SUCO: variants seen among roughly 807,000 people sequenced by gnomAD.
SUCO encodes the protein SUN domain-containing ossification factor.
Under a neutral mutation model 148.1 loss-of-function variants are expected in SUCO, and 57 were observed. The observed-to-expected ratio is 0.38, with a 90% CI of 0.31 to 0.48. The LOEUF is 0.48. Among genes scored for constraint, SUCO ranks in the 20% least tolerant of loss-of-function variants. SUCO has a pLI of 0.96. For missense variants in SUCO, 1,331 were observed against 1,468.2 expected, an observed-to-expected ratio of 0.91 and a Z score of 1.53; for synonymous variants, 470 against 502.7, an observed-to-expected ratio of 0.93 and a Z score of 0.87.
At chr1:172,532,828 A>G, upstream of SUCO, 2 of 1,567,498 alleles carry the variant, frequency 1.3e-6, no homozygotes, top group Non-Finnish European at 1.7e-6. Flanking sequence ...AATGCTGAGG[A>G]TCACTGGGCT....
intron 22 of SUCO, among the ~76,000 whole-genome samples, chr1:172,606,514 A>G (rs1013797855): frequency 1.6e-4 from 24 of 151,690 alleles, no homozygotes; most frequent in Non-Finnish European, 2.8e-4. Flanking sequence ...AGCCTTATTT[A>G]TGTTACTGTT....
At position 172,606,050 on chromosome 1, in the gene SUCO, A is replaced by T. The variant is rs1657844286; in HGVS notation, c.3266-2697A>T. On this transcript the variant is annotated intron_variant, in intron 22 of 23. Transcript: ENST00000263688. ...TCCATTTTTAATGTTACAAACATGA[A>T]TTATATTAGATTTTCTAATGTTAAA... Among the ~76,000 whole-genome samples the T allele has an allele frequency of 3.3e-5, 5 of 151,636 alleles. No homozygotes were observed. The South Asian group carries it at 1.0e-3, about 31-fold the overall frequency.
chr1:172,595,715 TC>T (rs1382779177), intron 19 of SUCO, among the ~76,000 whole-genome samples: 1 of 152,210 alleles, frequency 6.6e-6, no homozygotes, highest in Non-Finnish European at 1.5e-5. Flanking sequence ...TAATATTTTT[TC>T]CTTCATTTCA....
intron 6 of SUCO, among the ~76,000 whole-genome samples, chr1:172,562,380 C>G (rs1003342775): frequency 2.9e-5 from 4 of 138,730 alleles, no homozygotes; most frequent in African/African-American, 1.1e-4. Context: ...TGTTGCCAAT[C>G]TGGAGTGCAG....
At chr1:172,564,371 C>A (rs1051568022) in intron 6 of SUCO, among the ~76,000 whole-genome samples, 1 of 152,232 alleles carries the variant, frequency 6.6e-6, no homozygotes. Flanking sequence ...TATGGGGGCT[C>A]TACCCTGCAG....
Position 172,557,806 on chromosome 1 carries a change from A to T in SUCO, c.732+12A>T, listed in dbSNP as rs755528701. On this transcript the variant is annotated intron_variant, in intron 6 of 23. Transcript: ENST00000263688. ...ATTTAAAAAATGAGGTAGGTATATA[A>T]CTTGCACTATCTCTTACTTCTTTAT... 26 of 1,571,672 alleles carry T rather than the reference A, an allele frequency of 1.7e-5. No individual in the cohort carries two copies. The South Asian group carries it at 2.8e-4, about 17-fold the overall frequency.
At chr1:172,543,734 T>C (rs1652660006) in intron 1 of SUCO, among the ~76,000 whole-genome samples, 1 of 152,116 alleles carries the variant, frequency 6.6e-6, no homozygotes, top group African/African-American at 2.4e-5. Flanking sequence ...CATAGAACTT[T>C]CTCAGCTAAG....
chr1:172,549,774 C>T (rs1653139029), intron 1 of SUCO, among the ~76,000 whole-genome samples: 1 of 151,210 alleles, frequency 6.6e-6, no homozygotes. Context: ...TTTTTAGACA[C>T]ATAGTTGTAA....
At chr1:172,586,987 G>A (rs1036912837) in intron 17 of SUCO, among the ~76,000 whole-genome samples, 4 of 152,066 alleles carry the variant, frequency 2.6e-5, no homozygotes, top group African/African-American at 7.2e-5. Context: ...TGTGATTGCT[G>A]TTCCTGATTT....
chr1:172,556,753 A>G, intron 4 of SUCO: 1 of 983,244 alleles, frequency 1.0e-6, no homozygotes, highest in Non-Finnish European at 1.2e-6. Context: ...ATAGTATTTA[A>G]ACTTTTAAAT....
chr1:172,588,359 A>G, intron 17 of SUCO: 5 of 985,376 alleles, frequency 5.1e-6, no homozygotes, highest in Non-Finnish European at 6.0e-6. Flanking sequence ...TTATTAAGCT[A>G]GCTCTTAGTT....
rs1452033814 is a variant in SUCO at position 172,609,862 on chromosome 1, C to G, written c.3368C>G (p.Pro1123Arg). 1 of 1,611,646 alleles carries G rather than the reference C, an allele frequency of 6.2e-7. No individual in the cohort carries two copies. The highest frequency in any genetic ancestry group is 2.2e-5 in the East Asian group (1 of 44,854). Residue 1123 changes from proline to arginine, a missense_variant, in exon 24 of 24, where the codon CCT (proline) becomes CGT (arginine). Around this residue, in one of 3 missense-constraint regions of SUCO, gnomAD observed 334 missense variants for 352.3 expected, o/e 0.95. Coordinates refer to ENST00000263688, the MANE Select transcript of SUCO (RefSeq NM_014283.5). ...ATTGAAAAAATTGAGACCATAAAGC[C>G]TGAAGAACCATTGCACCCCATAGCC... ...YKIEKIETIK[P>R]EEPLHPIANG...
At chr1:172,564,953 G>T (rs1469140167) in intron 6 of SUCO, among the ~76,000 whole-genome samples, 1 of 152,016 alleles carries the variant, frequency 6.6e-6, no homozygotes, top group East Asian at 1.9e-4. Flanking sequence ...TGTAAACCTA[G>T]CAAGAAATCC....
intron 6 of SUCO, among the ~76,000 whole-genome samples, chr1:172,564,742 A>G (rs1331578994): frequency 6.6e-6 from 1 of 152,168 alleles, no homozygotes; most frequent in Non-Finnish European, 1.5e-5. Flanking sequence ...TTTACTATGC[A>G]AGATTTCTCC....
chr1:172,560,180 A>T (rs1571211012), intron 6 of SUCO, among the ~76,000 whole-genome samples: 1 of 152,218 alleles, frequency 6.6e-6, no homozygotes, highest in African/African-American at 2.4e-5. Flanking sequence ...CTTTGCTAAG[A>T]GGTTAAACGA....
rs897194151 is a variant in SUCO, at chr1:172,611,399, G to T, written c.*1140G>T. 2 of 152,562 alleles carry T rather than the reference G, an allele frequency of 1.3e-5. No homozygotes were observed. Among genetic ancestry groups the T allele is most frequent in the African/African-American group, 4.8e-5 (2 of 41,420 alleles). 9.5% of individuals were successfully genotyped at this position (152,562 alleles called of 1,614,324 possible). Reference sequence around the variant, plus strand: ...TTTCTTAGTATGATTGTACAGTAATGAATGAAAGTGGAACATGTTTCTTTT... The same window carrying T: ...TTTCTTAGTATGATTGTACAGTAATTAATGAAAGTGGAACATGTTTCTTTT... On this transcript the variant is annotated 3_prime_UTR_variant, in exon 24 of 24. Transcript: ENST00000263688.
At chr1:172,571,733 C>T (rs1243681635) in intron 9 of SUCO, among the ~76,000 whole-genome samples, 1 of 53,800 alleles carries the variant, frequency 1.9e-5, no homozygotes, top group Admixed American at 1.9e-4. Flanking sequence ...ATGTGAGGAG[C>T]GCCTCTACCC....
At chr1:172,557,606 A>T (rs1160616161) in intron 5 of SUCO, 38 bp from the exon 6 acceptor site, 1 of 1,533,498 alleles carries the variant, frequency 6.5e-7, no homozygotes, top group African/African-American at 1.4e-5. Context: ...TTATCCAGTA[A>T]AATCTGTTTA....
chr1:172,584,419 G>A, intron 15 of SUCO: 1 of 830,296 alleles, frequency 1.2e-6, no homozygotes, highest in African/African-American at 1.8e-5. Flanking sequence ...AGTTATACTT[G>A]AGTTTATAGT....
Sources: allele counts gnomAD v4.1 joint callset (sites outside exome capture counted in the v4.1 genomes callset), GRCh38; gene constraint gnomAD v4.1.1; regional missense constraint gnomAD v4.1.1; transcripts MANE v1.5; gene names NCBI Gene and HGNC (gene_info 2026-07-23, HGNC 2026-07-21).